The following PIK3R4 variants were observed in gnomAD, a reference collection of about 807,000 sequenced individuals.
PIK3R4 encodes phosphoinositide-3-kinase regulatory subunit 4.
A neutral mutation model predicts 136.5 loss-of-function variants in PIK3R4; 46 were observed. The observed-to-expected ratio is 0.34, with a 90% CI of 0.27 to 0.43. The LOEUF is 0.43. Ranked by LOEUF, PIK3R4 falls within the 20% of genes least tolerant of loss-of-function variation. PIK3R4 has a pLI of 1.00. For synonymous variants in PIK3R4, 557 were observed against 566.7 expected (o/e 0.98, Z 0.24); for missense variants, 1,331 against 1,649.5 (o/e 0.81, Z 3.35).
rs957237488 is a variant in PIK3R4, at chr3:130,746,367, C to T, written c.-96G>A. ...ATCGTTCAGAGGCTCACAACGAGGT[C>T]ATAGTAGACTACTTCGGGGACGGGA... On this transcript the variant is annotated 5_prime_UTR_variant, in exon 1 of 20. The change abolishes an upstream ATG in the 5' untranslated region. Transcript: ENST00000356763. 1 of 152,288 alleles carries T rather than the reference C, an allele frequency of 6.6e-6. No homozygotes were observed. The highest frequency in any genetic ancestry group is 1.5e-5 in the Non-Finnish European group (1 of 68,128). The allele number at this position is 152,288 out of a possible 1,614,324, so 9.4% of individuals were successfully genotyped here.
chr3:130,733,580 T>C lies in PIK3R4; in HGVS notation c.1418A>G (p.Asp473Gly), dbSNP rs768398786. ...ILPGIAHLAQDDATIVRLAYA... is the reference protein window; with the variant it reads ...ILPGIAHLAQGDATIVRLAYA... ...GGCTAGTCTAACGATAGTAGCATCA[T>C]CTTGGGCTAAGTGGGCTATGCCTGG... The change falls in exon 4 of 20, where the codon GAT (aspartate) becomes GGT (glycine). Residue 473 changes from aspartate to glycine, a missense_variant. This residue lies in a region of PIK3R4 where 1,180 missense variants were observed against 1,407.0 expected (regional missense o/e 0.84). Coordinates refer to ENST00000356763, the MANE Select transcript of PIK3R4 (RefSeq NM_014602.3). The C allele has an allele frequency of 4.4e-5, 71 of 1,613,448 alleles. No individual in the cohort carries two copies. In the East Asian group the frequency reaches 1.4e-3, roughly 33 times the overall value.
intron 1 of PIK3R4, 41 bp from the exon 2 acceptor site, chr3:130,745,305 CAAA>C (rs2066846246): frequency 2.2e-6 from 3 of 1,353,444 alleles, no homozygotes; most frequent in Non-Finnish European, 3.0e-6. Flanking sequence ...AGACAAGAAA[CAAA>C]GAAGCTGTGA....
At position 130,736,126 on chromosome 3, in the gene PIK3R4, T is replaced by A. The variant is rs530053291; in HGVS notation, c.734-124A>T. 5 of 618,314 alleles carry A rather than the reference T, an allele frequency of 8.1e-6. No individual in the cohort carries two copies. In the South Asian group the frequency reaches 1.3e-4, roughly 16 times the overall value. The allele number at this position is 618,314 out of a possible 1,614,324, so 38.3% of individuals were successfully genotyped here. ...ACCCCAAAGTAAATGAAATTAAAAA[T>A]TTTAATGCAACATACAACTACAATC... On this transcript the variant is annotated intron_variant, in intron 2 of 19. Coordinates refer to ENST00000356763, the MANE Select transcript of PIK3R4 (RefSeq NM_014602.3).
intron 13 of PIK3R4, among the ~76,000 whole-genome samples, chr3:130,692,873 T>C (rs141055320): frequency 1.3e-5 from 2 of 152,272 alleles, no homozygotes; most frequent in African/African-American, 2.4e-5. Context: ...ATCACCAAAT[T>C]TACCCTTTTA....
rs778991522 is a variant in PIK3R4, at chr3:130,718,469, C to G, written c.2047G>C (p.Ala683Pro). ...YGAVGFITVV[A>P]RQISTADVYC... Reference sequence around the variant, plus strand: ...ACATCAGCTGTACTTATTTGACGAGCTACCACTGTGATAAATCCCACGGCA... The same window carrying G: ...ACATCAGCTGTACTTATTTGACGAGGTACCACTGTGATAAATCCCACGGCA... Residue 683 changes from alanine (A) to proline (P), a missense_variant, in exon 8 of 20, where the codon GCT (alanine) becomes CCT (proline). Transcript: ENST00000356763. The G allele has an allele frequency of 1.9e-6, 3 of 1,613,600 alleles. No homozygotes were observed. The highest frequency in any genetic ancestry group is 2.7e-5 in the African/African-American group (2 of 74,866).
At chr3:130,715,064 A>C (rs1008554174) in intron 9 of PIK3R4, among the ~76,000 whole-genome samples, 1 of 151,322 alleles carries the variant, frequency 6.6e-6, no homozygotes, top group Non-Finnish European at 1.5e-5. Flanking sequence ...ACTCCCACTG[A>C]CAGTGTAAAA....
At chr3:130,706,067 A>G (rs529748846) in intron 11 of PIK3R4, among the ~76,000 whole-genome samples, 1 of 152,354 alleles carries the variant, frequency 6.6e-6, no homozygotes, top group East Asian at 1.9e-4. Context: ...AAAAGAAGAA[A>G]TGGAATTTCA....
intron 9 of PIK3R4, among the ~76,000 whole-genome samples, chr3:130,711,989 ATTAT>A (rs2066635164): frequency 6.6e-6 from 1 of 152,216 alleles, no homozygotes; most frequent in African/African-American, 2.4e-5. Flanking sequence ...ATCATTTTGT[ATTAT>A]TTATTAGCAC....
Position 130,707,055 on chromosome 3 carries a change from G to T in PIK3R4, c.2614C>A (p.Pro872Thr). 1.9e-6 allele frequency: 3 copies of T among 1,612,402 alleles called. No individual in the cohort carries two copies. Among genetic ancestry groups the T allele is most frequent in the Non-Finnish European group, 2.5e-6 (3 of 1,179,234 alleles). Residue 872 changes from proline to threonine, a missense_variant, in exon 11 of 20, where the codon CCA becomes ACA. Transcript: ENST00000356763. ...TCACTCCCTTTAGGTAGGGCCTGTG[G>T]CATGTTTGGTGGGTCCAGTGACCCA... ...MFGSLDPPNMPQALPKGSDQE... is the reference protein window; with the variant it reads ...MFGSLDPPNMTQALPKGSDQE...
chr3:130,731,594 GA>G (rs1421439048), intron 4 of PIK3R4, among the ~76,000 whole-genome samples: 3 of 152,072 alleles, frequency 2.0e-5, no homozygotes, highest in African/African-American at 7.2e-5. Context: ...TCTTTATTAG[GA>G]AAAGTCTCTT....
rs376811342 is a variant in PIK3R4 at position 130,732,843 on chromosome 3, A to C, written c.1450+705T>G. Reference sequence around the variant, plus strand: ...TACCACACACGTACTATTTACAAAGACTTCAAAACAGAATCCCTGATTTCT... The same window carrying C: ...TACCACACACGTACTATTTACAAAGCCTTCAAAACAGAATCCCTGATTTCT... On this transcript the variant is annotated intron_variant, in intron 4 of 19. Coordinates refer to ENST00000356763, the MANE Select transcript of PIK3R4 (RefSeq NM_014602.3). Among the ~76,000 whole-genome samples the C allele has an allele frequency of 2.2e-4, 33 of 151,830 alleles. No individual in the cohort carries two copies. In the South Asian group the frequency reaches 6.8e-3, roughly 31 times the overall value.
intron 16 of PIK3R4, among the ~76,000 whole-genome samples, chr3:130,683,612 A>G (rs564627593): frequency 6.6e-6 from 1 of 152,330 alleles, no homozygotes; most frequent in East Asian, 1.9e-4. Context: ...GCGATGGACT[A>G]TGTGTACAAG....
intron 7 of PIK3R4, 102 bp from the exon 8 acceptor site, chr3:130,718,636 C>A: frequency 9.0e-7 from 1 of 1,108,690 alleles, no homozygotes. Flanking sequence ...GATTTTGCCA[C>A]AGTGTTACTA....
chr3:130,714,540 T>C (rs1407313026), intron 9 of PIK3R4, among the ~76,000 whole-genome samples: 1 of 152,188 alleles, frequency 6.6e-6, no homozygotes. Flanking sequence ...GTTTGTTACA[T>C]GGATATACGT....
At chr3:130,686,753 G>C (rs2066493260) in intron 14 of PIK3R4, among the ~76,000 whole-genome samples, 1 of 152,138 alleles carries the variant, frequency 6.6e-6, no homozygotes, top group Non-Finnish European at 1.5e-5. Flanking sequence ...TTTCCCAATA[G>C]TGTCCTTTTA....
At position 130,744,471 on chromosome 3, in the gene PIK3R4, G is replaced by C. The variant is rs956240001; in HGVS notation, c.733+15C>G. The stretch of plus-strand genomic sequence containing the variant: ...AAACACATGCTCCCTTAGCAAATGT[G>C]ACCCACTCAAATACCTGCTGAAAAG... On this transcript the variant is annotated intron_variant, in intron 2 of 19. Coordinates refer to ENST00000356763, the MANE Select transcript of PIK3R4 (RefSeq NM_014602.3). 2 of 1,588,514 alleles carry C rather than the reference G, an allele frequency of 1.3e-6. No homozygotes were observed. Among genetic ancestry groups the C allele is most frequent in the Non-Finnish European group, 1.7e-6 (2 of 1,167,336 alleles).
rs1576448725 is a variant in PIK3R4, at chr3:130,681,395, CA to C, written c.3708+95del. On this transcript the variant is annotated intron_variant, in intron 17 of 19. Transcript: ENST00000356763. ...TAAAAACCCAAATTTAAACATAACC[CA>C]AAAGCCCAACAGATACTAGGTTTGA... 1.7e-5 allele frequency: 14 copies of C among 837,836 alleles called. No individual in the cohort carries two copies. The East Asian group carries it at 3.4e-4, about 20-fold the overall frequency. The allele number at this position is 837,836 out of a possible 1,614,324, so 51.9% of individuals were successfully genotyped here.
At chr3:130,687,282 ACAT>A (rs2066495409) in intron 14 of PIK3R4, among the ~76,000 whole-genome samples, 1 of 152,128 alleles carries the variant, frequency 6.6e-6, no homozygotes, top group East Asian at 1.9e-4. Flanking sequence ...TTCACTTGTG[ACAT>A]CATATTAGCA....
At chr3:130,715,219 G>A (rs1164541158) in intron 9 of PIK3R4, among the ~76,000 whole-genome samples, 1 of 151,074 alleles carries the variant, frequency 6.6e-6, no homozygotes, top group Non-Finnish European at 1.5e-5. Flanking sequence ...TGCCTCCCAG[G>A]TTCAAGCGAT....
Sources: allele counts gnomAD v4.1 joint callset (sites outside exome capture counted in the v4.1 genomes callset), GRCh38; gene constraint gnomAD v4.1.1; regional missense constraint gnomAD v4.1.1; transcripts MANE v1.5; gene names NCBI Gene and HGNC (gene_info 2026-07-23, HGNC 2026-07-21).